Variants in CDH18 observed in about 807,000 individuals in gnomAD.
The protein encoded by CDH18 is cadherin-18.
Under a neutral mutation model 67.9 loss-of-function variants are expected in CDH18, and 31 were observed. The observed-to-expected ratio is 0.46, with a 90% confidence interval of 0.34 to 0.62. CDH18 has a LOEUF of 0.62. Among genes scored for constraint, CDH18 ranks in the 20% least tolerant of loss-of-function variants. The pLI, the probability that CDH18 is intolerant of heterozygous loss-of-function variation, is 0.01. For missense variants in CDH18, 890 were observed against 975.5 expected (o/e 0.91, Z 1.17); for synonymous variants, 362 against 347.2 (o/e 1.04, Z -0.48).
At chr5:20,181,279 C>T (rs1195007816) in intron 2 of CDH18, among the ~76,000 whole-genome samples, 20 of 152,134 alleles carry the variant, frequency 1.3e-4, no homozygotes. Context: ...ATAGAATGCA[C>T]AGAATCTTGA....
intron 1 of CDH18, among the ~76,000 whole-genome samples, chr5:20,539,247 A>C (rs1026688150): frequency 6.6e-6 from 1 of 152,106 alleles, no homozygotes; most frequent in Admixed American, 6.6e-5. Context: ...AATTCATGGG[A>C]AATAAACTTT....
At chr5:19,873,097 T>A (rs1421026582) in intron 2 of CDH18, among the ~76,000 whole-genome samples, 3 of 152,040 alleles carry the variant, frequency 2.0e-5, no homozygotes, top group African/African-American at 7.2e-5. Flanking sequence ...TTACATGTTA[T>A]GGCTAGTTTT....
intron 1 of CDH18, among the ~76,000 whole-genome samples, chr5:20,567,696 T>C (rs980840300): frequency 6.6e-6 from 1 of 152,164 alleles, no homozygotes; most frequent in Non-Finnish European, 1.5e-5. Context: ...TCCTAATGAG[T>C]AGCAAGCTGG....
chr5:20,041,026 T>C lies in CDH18; in HGVS notation c.-517-49012A>G, dbSNP rs79216805. 7.0e-3 allele frequency among the ~76,000 whole-genome samples: 1,064 copies of C among 152,292 alleles called. 14 individuals carry two copies. The highest frequency in any genetic ancestry group is 0.023 in the African/African-American group (963 of 41,574). Reference sequence around the variant, plus strand: ...TTATGAGAGCGGTAACATTATGTTGTTGGTTTTAATTAAAAAAGTGAGGTA... The same window carrying C: ...TTATGAGAGCGGTAACATTATGTTGCTGGTTTTAATTAAAAAAGTGAGGTA... On this transcript the variant is annotated intron_variant, in intron 2 of 14. Transcript: ENST00000507958.
chr5:19,567,354 A>C lies in CDH18; in HGVS notation c.1253+4225T>G, dbSNP rs752200297. ...AATGGTAAAATACAAAGACTGAAGT[A>C]CAAAAGTACAATAGTAAAATACAAA... On this transcript the variant is annotated intron_variant, in intron 8 of 12. Coordinates refer to ENST00000382275, the MANE Select transcript of CDH18 (RefSeq NM_004934.5). 4.2e-4 allele frequency among the ~76,000 whole-genome samples: 64 copies of C among 152,336 alleles called. 1 individual carries two copies. The highest frequency in any genetic ancestry group is 7.2e-4 in the Non-Finnish European group (49 of 68,018).
chr5:19,941,985 T>C (rs1462055381), intron 2 of CDH18, among the ~76,000 whole-genome samples: 1 of 152,164 alleles, frequency 6.6e-6, no homozygotes, highest in East Asian at 1.9e-4. Context: ...CAAGTTGACC[T>C]TCTGGAGCAT....
At chr5:19,680,868 A>G (rs1760201515) in intron 5 of CDH18, among the ~76,000 whole-genome samples, 1 of 151,972 alleles carries the variant, frequency 6.6e-6, no homozygotes. Context: ...TTTTCAAAGA[A>G]CTTAATAAGG....
intron 1 of CDH18, among the ~76,000 whole-genome samples, chr5:20,292,403 T>G (rs1248758614): frequency 6.6e-6 from 1 of 152,198 alleles, no homozygotes; most frequent in Admixed American, 6.5e-5. Flanking sequence ...AAGAGAATGA[T>G]AGCTGAGTGT....
intron 1 of CDH18, among the ~76,000 whole-genome samples, chr5:20,399,101 G>T (rs1745547746): frequency 6.6e-6 from 1 of 152,056 alleles, no homozygotes; most frequent in Admixed American, 6.6e-5. Flanking sequence ...GTCTGATCAC[G>T]GCATCTCGGT....
intron 7 of CDH18, among the ~76,000 whole-genome samples, chr5:19,581,982 G>C (rs911360678): frequency 2.0e-5 from 3 of 151,968 alleles, no homozygotes; most frequent in African/African-American, 7.2e-5. Flanking sequence ...CTATACAGAA[G>C]AAAGTAATTC....
intron 2 of CDH18, among the ~76,000 whole-genome samples, chr5:20,171,428 T>G (rs1192171840): frequency 6.6e-6 from 1 of 152,120 alleles, no homozygotes; most frequent in East Asian, 1.9e-4. Flanking sequence ...ATATGGTACT[T>G]CATTGTGGTT....
chr5:20,472,866 C>A (rs1752184790), intron 1 of CDH18, among the ~76,000 whole-genome samples: 1 of 152,114 alleles, frequency 6.6e-6, no homozygotes, highest in Non-Finnish European at 1.5e-5. Flanking sequence ...TGTTGCTTTT[C>A]AGTTTTTACT....
At chr5:19,954,775 A>G (rs1307748413) in intron 2 of CDH18, among the ~76,000 whole-genome samples, 1 of 151,936 alleles carries the variant, frequency 6.6e-6, no homozygotes, top group African/African-American at 2.4e-5. Context: ...CACATACACA[A>G]TGCATTCACA....
chr5:20,053,029 T>TA (rs1390152636), intron 2 of CDH18, among the ~76,000 whole-genome samples: 2 of 151,122 alleles, frequency 1.3e-5, no homozygotes, highest in Admixed American at 6.6e-5. Flanking sequence ...TCAGTTTATT[T>TA]TTTTTTTAAC....
chr5:20,282,429 GTTTAA>G (rs2126705139), intron 1 of CDH18, among the ~76,000 whole-genome samples: 1 of 152,116 alleles, frequency 6.6e-6, no homozygotes, highest in African/African-American at 2.4e-5. Context: ...ATGAAGGGCT[GTTTAA>G]TTTTGTCAAA....
chr5:20,246,167 T>C (rs2063233), intron 2 of CDH18, among the ~76,000 whole-genome samples: 106,643 of 152,104 alleles, frequency 0.7, 38,050 homozygotes, highest in African/African-American at 0.85. Context: ...AATTATATAA[T>C]GTATCAAATT....
At chr5:19,770,177 C>T (rs1773570069) in intron 3 of CDH18, among the ~76,000 whole-genome samples, 1 of 151,986 alleles carries the variant, frequency 6.6e-6, no homozygotes, top group Admixed American at 6.6e-5. Context: ...AAATATTACA[C>T]ATATATTTTC....
chr5:20,111,302 TGAAGAAAG>T (rs1561799061), intron 2 of CDH18, among the ~76,000 whole-genome samples: 1 of 152,136 alleles, frequency 6.6e-6, no homozygotes, highest in Admixed American at 6.5e-5. Flanking sequence ...GCATTTTGTA[TGAAGAAAG>T]GCTCAGTAGG....
rs1788588168 is a variant in CDH18 at position 19,889,752 on chromosome 5, A to G, written c.-256-50510T>C. Among the ~76,000 whole-genome samples the G allele has an allele frequency of 3.9e-5, 6 of 152,292 alleles. 1 individual carries two copies. In the South Asian group the frequency reaches 1.2e-3, roughly 32 times the overall value. On this transcript the variant is annotated intron_variant, in intron 2 of 12. Coordinates refer to ENST00000382275, the MANE Select transcript of CDH18 (RefSeq NM_004934.5). Reference sequence around the variant, plus strand: ...TTTATATTAATTTTTAAAAGGCCTAAACACACATATGGTCACAGCCAAAAA... The same window carrying G: ...TTTATATTAATTTTTAAAAGGCCTAGACACACATATGGTCACAGCCAAAAA...
Sources: gnomAD v4.1 joint callset for allele counts (sites outside exome capture counted in the v4.1 genomes callset) on GRCh38, gnomAD v4.1.1 for gene constraint, MANE v1.5 for transcripts, NCBI Gene and HGNC (gene_info 2026-07-23, HGNC 2026-07-21) for gene names.